KCNJ6: variants seen among roughly 807,000 people sequenced by gnomAD.
The protein encoded by KCNJ6 is potassium inwardly rectifying channel subfamily J member 6.
A neutral mutation model predicts 34.2 loss-of-function variants in KCNJ6; 9 were observed. The ratio of observed to expected loss-of-function variants is 0.26; its 90% CI spans 0.16 to 0.46. KCNJ6 has a LOEUF of 0.46. KCNJ6 is among the 20% of genes least tolerant of loss of function. The pLI, the probability that KCNJ6 is intolerant of heterozygous loss-of-function variation, is 1.00. For missense variants in KCNJ6, 236 were observed against 531.3 expected, an observed-to-expected ratio of 0.44 and a Z score of 5.46; for synonymous variants, 196 against 207.1, an observed-to-expected ratio of 0.95 and a Z score of 0.46.
In KCNJ6 at chr21:37,850,474, G is replaced by T. The variant is rs951955996; in HGVS notation, c.-27-9765C>A. Among the ~76,000 whole-genome samples, 4 of 152,066 alleles carry T rather than the reference G, an allele frequency of 2.6e-5. No homozygotes were observed. The South Asian group carries it at 8.3e-4, about 32-fold the overall frequency. ...TGCGAACCCTATTTGAACTGCCCAT[G>T]TGAGGGATCTAGGTGGTGCACGCCT... On this transcript the variant is annotated intron_variant, in intron 1 of 3. Transcript: ENST00000609713.
At chr21:37,761,909 C>G (rs2055067351) in intron 2 of KCNJ6, among the ~76,000 whole-genome samples, 1 of 152,156 alleles carries the variant, frequency 6.6e-6, no homozygotes, top group Non-Finnish European at 1.5e-5. Context: ...GCTACACTTT[C>G]CACACCTTTT....
chr21:37,870,846 G>A (rs553286181), intron 1 of KCNJ6, among the ~76,000 whole-genome samples: 21 of 152,204 alleles, frequency 1.4e-4, no homozygotes, highest in South Asian at 6.2e-4. Context: ...TTCTGCACCC[G>A]GTGGGTTCTG....
At chr21:37,647,151 C>T (rs1464961992) in intron 3 of KCNJ6, among the ~76,000 whole-genome samples, 2 of 152,154 alleles carry the variant, frequency 1.3e-5, no homozygotes, top group African/African-American at 2.4e-5. Context: ...GAACATGTAA[C>T]ATGTTCTTCA....
intron 2 of KCNJ6, among the ~76,000 whole-genome samples, chr21:37,807,288 T>G (rs1349975684): frequency 6.6e-6 from 1 of 152,210 alleles, no homozygotes; most frequent in Admixed American, 6.5e-5. Context: ...CATTTTTCCA[T>G]GGTTTTGAGA....
At chr21:37,740,370 A>T (rs1401390037) in intron 2 of KCNJ6, among the ~76,000 whole-genome samples, 1 of 152,184 alleles carries the variant, frequency 6.6e-6, no homozygotes, top group Non-Finnish European at 1.5e-5. Context: ...CAGCTGCATG[A>T]TAAAACTTTG....
chr21:37,625,141 G>GT lies in KCNJ6; in HGVS notation c.*17dup, dbSNP rs1252525143. 1.3e-6 allele frequency: 2 copies of GT among 1,568,370 alleles called. No homozygotes were observed. Among genetic ancestry groups the GT allele is most frequent in the African/African-American group, 2.7e-5 (2 of 73,972 alleles). On this transcript the variant is annotated 3_prime_UTR_variant, in exon 4 of 4. Coordinates refer to ENST00000609713, the MANE Select transcript of KCNJ6 (RefSeq NM_002240.5). ...ATTGTGTTGGGGGGAGAAGAGAAGG[G>GT]TTTGCCCAGCTAGGGCACTAAACTT...
At chr21:37,769,038 C>T (rs1015793233) in intron 2 of KCNJ6, among the ~76,000 whole-genome samples, 5 of 152,118 alleles carry the variant, frequency 3.3e-5, no homozygotes, top group Admixed American at 1.3e-4. Context: ...AAACATTGCA[C>T]GCATGGTAAC....
chr21:37,794,599 A>G (rs1350816036), intron 2 of KCNJ6, among the ~76,000 whole-genome samples: 1 of 152,206 alleles, frequency 6.6e-6, no homozygotes, highest in Non-Finnish European at 1.5e-5. Context: ...TTTTAAAAAA[A>G]TTCTTTCTCC....
rs1287722283 is a variant in KCNJ6, at chr21:37,612,117, A to C, written c.*13042T>G. The C allele has an allele frequency of 6.6e-6, 1 of 152,240 alleles. No homozygotes were observed. Among genetic ancestry groups the C allele is most frequent in the Admixed American group, 6.5e-5 (1 of 15,286 alleles). The allele number at this position is 152,240 out of a possible 1,614,324, so 9.4% of individuals were successfully genotyped here. On this transcript the variant is annotated 3_prime_UTR_variant, in exon 4 of 4. Coordinates refer to ENST00000609713, the MANE Select transcript of KCNJ6 (RefSeq NM_002240.5). ...TAACTGACCAAAAAACAAAACAAAA[A>C]CAAGCCCCAGAACCTTCCTGGAACT...
intron 1 of KCNJ6, among the ~76,000 whole-genome samples, chr21:37,892,223 G>A (rs1601519721): frequency 1.3e-5 from 2 of 152,172 alleles, no homozygotes; most frequent in Admixed American, 1.3e-4. Context: ...CAGACAGGGC[G>A]TTGAATCATT....
intron 2 of KCNJ6, among the ~76,000 whole-genome samples, chr21:37,771,716 C>T (rs918656296): frequency 6.6e-6 from 1 of 152,110 alleles, no homozygotes; most frequent in Non-Finnish European, 1.5e-5. Context: ...TTAATGACCA[C>T]CTAATTTCTA....
intron 1 of KCNJ6, among the ~76,000 whole-genome samples, chr21:37,908,174 T>C (rs950487938): frequency 3.3e-5 from 5 of 152,352 alleles, no homozygotes; most frequent in East Asian, 3.9e-4. Flanking sequence ...CCGGAAGTAT[T>C]ATGGATCACC....
chr21:37,823,665 G>A (rs1361750921), intron 2 of KCNJ6, among the ~76,000 whole-genome samples: 2 of 152,208 alleles, frequency 1.3e-5, no homozygotes, highest in African/African-American at 4.8e-5. Context: ...CGCCATGATT[G>A]TAAGTTTCTT....
chr21:37,746,238 GACTA>G (rs2054967133), intron 2 of KCNJ6, among the ~76,000 whole-genome samples: 2 of 152,214 alleles, frequency 1.3e-5, no homozygotes. Flanking sequence ...GGAGATGGTG[GACTA>G]ACTGTCTTGG....
At chr21:37,665,259 T>G (rs2123402116) in intron 3 of KCNJ6, among the ~76,000 whole-genome samples, 1 of 152,262 alleles carries the variant, frequency 6.6e-6, no homozygotes, top group Admixed American at 6.5e-5. Context: ...AAATAAACAG[T>G]AACTATTATT....
chr21:37,644,327 G>T (rs562745365), intron 3 of KCNJ6, among the ~76,000 whole-genome samples: 2 of 152,108 alleles, frequency 1.3e-5, no homozygotes, highest in South Asian at 2.1e-4. Context: ...TCCCCATGAC[G>T]CAAGTTTACC....
intron 1 of KCNJ6, among the ~76,000 whole-genome samples, chr21:37,868,894 T>C (rs1220537391): frequency 6.6e-6 from 1 of 152,238 alleles, no homozygotes; most frequent in Non-Finnish European, 1.5e-5. Context: ...AAGCTATTTA[T>C]GTGGATGACA....
At chr21:37,694,401 T>A (rs990437239) in intron 3 of KCNJ6, among the ~76,000 whole-genome samples, 1 of 152,218 alleles carries the variant, frequency 6.6e-6, no homozygotes, top group Non-Finnish European at 1.5e-5. Context: ...AGAGTACTGT[T>A]AGCATTTTTG....
intron 2 of KCNJ6, among the ~76,000 whole-genome samples, chr21:37,788,476 T>C (rs2055202199): frequency 6.6e-6 from 1 of 152,192 alleles, no homozygotes; most frequent in South Asian, 2.1e-4. Flanking sequence ...ATTGTAAAAA[T>C]GGCCACAATG....
Sources: allele counts gnomAD v4.1 joint callset (sites outside exome capture counted in the v4.1 genomes callset), GRCh38; gene constraint gnomAD v4.1.1; transcripts MANE v1.5; gene names NCBI Gene and HGNC (gene_info 2026-07-23, HGNC 2026-07-21).